ATAD2B: variants seen among roughly 807,000 people sequenced by gnomAD.
ATAD2B encodes ATPase family AAA domain-containing protein 2B.
ATAD2B carries 40 observed loss-of-function variants against 167.6 expected under a neutral mutation model. That is an observed-to-expected ratio of 0.24 (90% CI 0.19 to 0.31). The LOEUF is 0.31. Among genes scored for constraint, ATAD2B ranks in the 10% least tolerant of loss-of-function variants. The probability of loss-of-function intolerance (pLI) is 1.00; values close to 1 mark genes in which losing one functional copy is unlikely to be tolerated. For missense variants in ATAD2B, 1,242 were observed against 1,757.2 expected (o/e 0.71, Z 5.24); for synonymous variants, 579 against 596.5 (o/e 0.97, Z 0.43).
intron 7 of ATAD2B, among the ~76,000 whole-genome samples, chr2:23,878,801 A>C (rs1414781188): frequency 6.6e-6 from 1 of 152,202 alleles, no homozygotes; most frequent in Non-Finnish European, 1.5e-5. Context: ...TCTAATATCC[A>C]GAACATATAA....
At chr2:23,758,333 T>G (rs12165160) in intron 24 of ATAD2B, among the ~76,000 whole-genome samples, 2 of 152,214 alleles carry the variant, frequency 1.3e-5, no homozygotes, top group African/African-American at 4.8e-5. Flanking sequence ...ATTTCCTGTA[T>G]GAGTTTATTC....
chr2:23,759,532 C>A (rs1481507303), intron 24 of ATAD2B, among the ~76,000 whole-genome samples: 8 of 152,216 alleles, frequency 5.3e-5, no homozygotes, highest in African/African-American at 1.9e-4. Context: ...TGTAAATTCA[C>A]AAGAAATAGA....
chr2:23,839,504 A>G (rs536200696), intron 13 of ATAD2B, among the ~76,000 whole-genome samples: 56 of 152,186 alleles, frequency 3.7e-4, no homozygotes, highest in Middle Eastern at 6.8e-3. Context: ...GATCATCTTG[A>G]TTTTTCTCTA....
the ATAD2B span, among the ~76,000 whole-genome samples, chr2:23,741,724 G>A: frequency 6.6e-6 from 1 of 152,128 alleles, no homozygotes; most frequent in African/African-American, 2.4e-5. Context: ...AAACTAAAGA[G>A]CTTCTGCACA....
At chr2:23,782,440 T>C (rs1017436935) in intron 22 of ATAD2B, among the ~76,000 whole-genome samples, 2 of 152,164 alleles carry the variant, frequency 1.3e-5, no homozygotes, top group African/African-American at 4.8e-5. Context: ...CACAGTTACA[T>C]AGAAATCCCA....
Position 23,788,657 on chromosome 2 carries a change from TAC to T in ATAD2B, c.2641-12_2641-11del, listed in dbSNP as rs763333307. On this transcript the variant is annotated splice_polypyrimidine_tract_variant and intron_variant, in intron 19 of 27. Coordinates refer to ENST00000238789, the MANE Select transcript of ATAD2B (RefSeq NM_017552.4). Reference sequence around the variant, plus strand: ...TAAAGATACATTTAACCTACACATATACACACACACAAAGACATTAAATATAT... The same window carrying T: ...TAAAGATACATTTAACCTACACATATACACACACAAAGACATTAAATATAT... 14 of 1,562,618 alleles carry T rather than the reference TAC, an allele frequency of 9.0e-6. No homozygotes were observed. The highest frequency in any genetic ancestry group is 8.8e-6 in the Non-Finnish European group (10 of 1,140,478).
Position 23,810,499 on chromosome 2 carries a change from T to G in ATAD2B, c.2271A>C (p.Ser757=). The G allele has an allele frequency of 6.2e-7, 1 of 1,612,410 alleles. No individual in the cohort carries two copies. The highest frequency in any genetic ancestry group is 8.5e-7 in the Non-Finnish European group (1 of 1,178,482). ...TGTAAGAGGTTGGCTGATGATATGG[T>G]GACCTGTAATACATGTAAGACATAA... ...IHKPYLHFTM[S]PYHQPTSYRP... is the part of the protein sequence containing the mutation. The change falls in exon 18 of 28, where the codon TCA becomes TCC. Residue 757 remains serine, a synonymous_variant. Coordinates refer to ENST00000238789, the MANE Select transcript of ATAD2B (RefSeq NM_017552.4).
the ATAD2B span, among the ~76,000 whole-genome samples, chr2:23,732,950 G>T: frequency 1.3e-5 from 2 of 152,154 alleles, no homozygotes; most frequent in Non-Finnish European, 2.9e-5. Context: ...ATCTCTCTGT[G>T]ACTAGCTCTC....
rs34177847 is a variant in ATAD2B, at chr2:23,858,489, C to CTT, written c.1480-988_1480-987dup. ...CCGTATACTTAAGACCTGTCTCATT[C>CTT]TTTTTTTTTTTTTTTTTCTTCAGAC... On this transcript the variant is annotated intron_variant, in intron 12 of 27. Transcript: ENST00000238789. Among the ~76,000 whole-genome samples, 262 of 134,374 alleles carry CTT rather than the reference C, an allele frequency of 1.9e-3. 5 individuals are homozygous for CTT. The highest frequency in any genetic ancestry group is 0.015 in the Middle Eastern group (4 of 264). The allele number at this position is 134,374 out of a possible 152,430, so 88.2% of individuals were successfully genotyped here.
At chr2:23,715,409 T>TA in the ATAD2B span, among the ~76,000 whole-genome samples, 1 of 151,914 alleles carries the variant, frequency 6.6e-6, no homozygotes, top group Non-Finnish European at 1.5e-5. Flanking sequence ...CTGTCTCTAC[T>TA]AAAAATACAA....
chr2:23,872,219 T>G, intron 8 of ATAD2B: 1 of 364,942 alleles, frequency 2.7e-6, no homozygotes, highest in South Asian at 2.4e-5. Flanking sequence ...GGTCTCACTC[T>G]GTCAACCCAG....
chr2:23,768,089 G>A (rs1677718774), intron 22 of ATAD2B, among the ~76,000 whole-genome samples: 1 of 152,120 alleles, frequency 6.6e-6, no homozygotes, highest in Non-Finnish European at 1.5e-5. Flanking sequence ...CAATGATTCT[G>A]TAATCTGCAT....
At chr2:23,706,345 A>G in the ATAD2B span, 4 of 625,970 alleles carry the variant, frequency 6.4e-6, no homozygotes, top group Non-Finnish European at 9.8e-6. Context: ...TTAGAGGGCA[A>G]AGAAGGGCAG....
intron 1 of ATAD2B, among the ~76,000 whole-genome samples, chr2:23,913,640 GA>G (rs1425105055): frequency 1.7e-3 from 159 of 94,778 alleles, no homozygotes; most frequent in East Asian, 0.011. Flanking sequence ...ACTCTCTTGA[GA>G]AAAAAAAAAA....
At chr2:23,910,163 C>T (rs1244526913) in intron 1 of ATAD2B, among the ~76,000 whole-genome samples, 3 of 144,344 alleles carry the variant, frequency 2.1e-5, no homozygotes, top group Non-Finnish European at 3.0e-5. Context: ...TGTGTCCACT[C>T]TTGCATACTC....
At chr2:23,718,125 T>C in the ATAD2B span, among the ~76,000 whole-genome samples, 11 of 152,214 alleles carry the variant, frequency 7.2e-5, no homozygotes, top group Non-Finnish European at 1.6e-4. Flanking sequence ...CAATTATTAA[T>C]GGGCTCCGAG....
At chr2:23,914,194 T>C (rs933255061) in intron 1 of ATAD2B, among the ~76,000 whole-genome samples, 1 of 152,100 alleles carries the variant, frequency 6.6e-6, no homozygotes, top group Non-Finnish European at 1.5e-5. Context: ...CTTAATGTAT[T>C]ACAAAGTGGC....
chr2:23,866,658 C>T (rs1396461823), intron 10 of ATAD2B, among the ~76,000 whole-genome samples: 1 of 152,076 alleles, frequency 6.6e-6, no homozygotes, highest in Non-Finnish European at 1.5e-5. Context: ...TGCTCATATG[C>T]AATACTCTAA....
In ATAD2B at chr2:23,749,511, T is replaced by C. The variant is rs1436296225; in HGVS notation, c.*2535A>G. On this transcript the variant is annotated 3_prime_UTR_variant, in exon 28 of 28. Coordinates refer to ENST00000238789, the MANE Select transcript of ATAD2B (RefSeq NM_017552.4). ...TAATTTCACAAGCTGCTTTAAACTA[T>C]AGAACCACCAGATATCTGTAAAATA... 1 of 152,172 alleles carries C rather than the reference T, an allele frequency of 6.6e-6. No homozygotes were observed. The highest frequency in any genetic ancestry group is 2.4e-5 in the African/African-American group (1 of 41,454). 9.4% of individuals were successfully genotyped at this position (152,172 alleles called of 1,614,324 possible).
Sources: allele counts gnomAD v4.1 joint callset (sites outside exome capture counted in the v4.1 genomes callset), GRCh38; gene constraint gnomAD v4.1.1; transcripts MANE v1.5; gene names NCBI Gene and HGNC (gene_info 2026-07-23, HGNC 2026-07-21).